Variants in TAF4B observed in about 807,000 individuals in gnomAD.
The protein encoded by TAF4B is transcription initiation factor TFIID subunit 4B.
In TAF4B, 38 loss-of-function variants were observed where a neutral mutation model predicts 86.4. The ratio of observed to expected loss-of-function variants is 0.44; its 90% confidence interval spans 0.34 to 0.58. The LOEUF (loss-of-function observed/expected upper bound fraction) is 0.58. TAF4B is among the 20% of genes least tolerant of loss of function. The pLI, the probability that TAF4B is intolerant of heterozygous loss-of-function variation, is 0.02. For synonymous variants in TAF4B, 388 were observed against 391.2 expected, an observed-to-expected ratio of 0.99 and a Z score of 0.10; for missense variants, 988 against 1,027.6, an observed-to-expected ratio of 0.96 and a Z score of 0.53.
intron 14 of TAF4B, among the ~76,000 whole-genome samples, chr18:26,362,110 A>G (rs1433804923): frequency 6.6e-6 from 1 of 152,236 alleles, no homozygotes; most frequent in Admixed American, 6.5e-5. Flanking sequence ...TCATCAGAGC[A>G]CATGGGATAA....
At chr18:26,255,593 A>C in intron 1 of TAF4B, 2 of 581,682 alleles carry the variant, frequency 3.4e-6, no homozygotes, top group African/African-American at 2.7e-5. Flanking sequence ...CAAGAGCAAA[A>C]CTCTGTCTCC....
At chr18:26,288,370 C>CA (rs1403616531) in intron 7 of TAF4B, among the ~76,000 whole-genome samples, 4 of 152,202 alleles carry the variant, frequency 2.6e-5, no homozygotes, top group Admixed American at 2.6e-4. Context: ...CGCAGCGGCT[C>CA]ATGCCTGTAA....
At chr18:26,369,434 G>GACAAA (rs1423675588) in intron 14 of TAF4B, among the ~76,000 whole-genome samples, 1 of 152,194 alleles carries the variant, frequency 6.6e-6, no homozygotes, top group African/African-American at 2.4e-5. Flanking sequence ...ATGGTGTGCT[G>GACAAA]GACTTGTATT....
In TAF4B at chr18:26,335,171, A is replaced by T. The variant is rs1180252724; in HGVS notation, c.2260-4A>T. 1.9e-6 allele frequency: 3 copies of T among 1,610,934 alleles called. No individual in the cohort carries two copies. The highest frequency in any genetic ancestry group is 1.1e-5 in the South Asian group (1 of 90,740). The stretch of plus-strand genomic sequence containing the variant: ...TCTATTAAAATTTTCTTTTCCTTTG[A>T]TAGAGTCGTTCTAATAAAGAAGATC... On this transcript the variant is annotated splice_polypyrimidine_tract_variant and splice_region_variant and intron_variant, in intron 12 of 14. Transcript: ENST00000269142.
At chr18:26,376,948 T>C (rs999118599) in intron 14 of TAF4B, among the ~76,000 whole-genome samples, 7 of 152,158 alleles carry the variant, frequency 4.6e-5, no homozygotes, top group African/African-American at 9.6e-5. Context: ...TGCTTTTTTT[T>C]CCCCTTTATC....
At chr18:26,334,678 T>C (rs2057076562) in intron 12 of TAF4B, among the ~76,000 whole-genome samples, 1 of 152,164 alleles carries the variant, frequency 6.6e-6, no homozygotes, top group Admixed American at 6.5e-5. Flanking sequence ...CTGAGATGTA[T>C]TTTCTACTTA....
In TAF4B at chr18:26,286,449, G is replaced by T. The variant is rs1420124339; in HGVS notation, c.1540G>T (p.Val514Phe). ...AATCAAACTTGCCCAGCCGGGCCCT[G>T]TCCTTTCACAACCAGCTGGGATTCC... Reference protein sequence around the residue: ...VQIKLAQPGPVLSQPAGIPQA... With the variant: ...VQIKLAQPGPFLSQPAGIPQA... The change falls in exon 7 of 15, where the codon GTC becomes TTC. Residue 514 changes from valine (V) to phenylalanine (F), a missense_variant. Physicochemically the swap from Val to Phe is conservative, Grantham distance 50. Around this residue, in one of 3 missense-constraint regions of TAF4B, gnomAD observed 747 missense variants for 737.9 expected, o/e 1.01. Coordinates refer to ENST00000269142, the MANE Select transcript of TAF4B (RefSeq NM_005640.3). The T allele has an allele frequency of 7.4e-6, 12 of 1,613,940 alleles. No homozygotes were observed. Among genetic ancestry groups the T allele is most frequent in the African/African-American group, 1.3e-5 (1 of 75,034 alleles).
intron 13 of TAF4B, among the ~76,000 whole-genome samples, chr18:26,349,428 C>T (rs1242705538): frequency 6.6e-6 from 1 of 150,966 alleles, no homozygotes; most frequent in Non-Finnish European, 1.5e-5. Context: ...GAAGGCAATC[C>T]CAGTTAAAAT....
chr18:26,336,445 A>G (rs973618909), intron 13 of TAF4B, among the ~76,000 whole-genome samples: 12 of 152,298 alleles, frequency 7.9e-5, no homozygotes, highest in Admixed American at 2.6e-4. Context: ...CTTACAATCA[A>G]TGTGGTGTGT....
chr18:26,277,376 G>T (rs574831036), intron 5 of TAF4B, among the ~76,000 whole-genome samples: 1 of 152,102 alleles, frequency 6.6e-6, no homozygotes, highest in Non-Finnish European at 1.5e-5. Flanking sequence ...ATGAGCCACC[G>T]TGCCCAGCTT....
intron 9 of TAF4B, among the ~76,000 whole-genome samples, chr18:26,298,280 G>C (rs990687908): frequency 3.3e-5 from 5 of 151,966 alleles, no homozygotes; most frequent in Non-Finnish European, 7.4e-5. Context: ...CAAGGCTGGA[G>C]TTCAGTGGCA....
intron 3 of TAF4B, among the ~76,000 whole-genome samples, chr18:26,272,230 C>T (rs1343573619): frequency 1.3e-5 from 2 of 152,146 alleles, no homozygotes; most frequent in African/African-American, 2.4e-5. Flanking sequence ...TAGATTCTCA[C>T]GAGGAGAGTG....
intron 1 of TAF4B, among the ~76,000 whole-genome samples, chr18:26,252,831 A>G (rs1026482540): frequency 6.7e-6 from 1 of 149,082 alleles, no homozygotes; most frequent in Non-Finnish European, 1.5e-5. Flanking sequence ...TTATTTATTT[A>G]TATATATTTT....
At chr18:26,327,386 A>C (rs959222734) in intron 12 of TAF4B, among the ~76,000 whole-genome samples, 12 of 152,186 alleles carry the variant, frequency 7.9e-5, no homozygotes, top group African/African-American at 2.9e-4. Flanking sequence ...CCTCAAACCC[A>C]GGTAAAATGT....
At chr18:26,293,293 A>C in intron 8 of TAF4B, 133 bp from the exon 9 acceptor site, 1 of 572,742 alleles carries the variant, frequency 1.7e-6, no homozygotes. Context: ...GTTTGAATTT[A>C]AACATAGTTC....
intron 3 of TAF4B, among the ~76,000 whole-genome samples, chr18:26,271,913 C>T (rs1159417931): frequency 2.7e-5 from 4 of 146,232 alleles, no homozygotes; most frequent in Non-Finnish European, 6.0e-5. Flanking sequence ...GTGGACAGAG[C>T]CAGACTCCGT....
At chr18:26,346,815 ATGTGTGTG>A (rs1305895809) in intron 13 of TAF4B, among the ~76,000 whole-genome samples, 40 of 20,730 alleles carry the variant, frequency 1.9e-3, no homozygotes, top group East Asian at 4.3e-3. Context: ...ATATATATAT[ATGTGTGTG>A]TATATATATA....
intron 13 of TAF4B, among the ~76,000 whole-genome samples, chr18:26,356,631 G>A (rs899950451): frequency 2.2e-4 from 34 of 151,994 alleles, no homozygotes; most frequent in Non-Finnish European, 4.4e-5. Flanking sequence ...GATCTTGTTT[G>A]AATATGTGAC....
Position 26,315,335 on chromosome 18 carries a change from C to T in TAF4B, c.1939C>T (p.Gln647Ter). The change falls in exon 10 of 15, where the codon CAG (glutamine) becomes TAG (stop). Residue 647 changes from glutamine to a stop codon, truncating the protein, a stop_gained. Transcript: ENST00000269142. LOFTEE classifies it high-confidence loss of function. ...TNSELVGTLI[Q>*]SCKDEPFLFI... is the part of the protein sequence containing the mutation. ...CTCTGAATTGGTTGGCACACTCATT[C>T]AGTCATGTAAAGATGAACCATTTCT... is the stretch of plus-strand genomic sequence containing the variant. 6.2e-7 allele frequency: 1 copy of T among 1,613,686 alleles called. No individual in the cohort carries two copies. The highest frequency in any genetic ancestry group is 1.1e-5 in the South Asian group (1 of 91,034).
Sources: allele counts gnomAD v4.1 joint callset (sites outside exome capture counted in the v4.1 genomes callset), GRCh38; gene constraint gnomAD v4.1.1; regional missense constraint gnomAD v4.1.1; transcripts MANE v1.5; gene names NCBI Gene and HGNC (gene_info 2026-07-23, HGNC 2026-07-21).